Variants in PUDP observed in about 807,000 individuals in gnomAD.
PUDP encodes pseudouridine-5'-phosphatase.
In PUDP, 8 loss-of-function variants were observed where a neutral mutation model predicts 9.4. The ratio of observed to expected loss-of-function variants is 0.85; its 90% CI spans 0.50 to 1.53. PUDP has a LOEUF of 1.53. Ranked by LOEUF, PUDP falls within the 40% of genes most tolerant of loss-of-function variation. The pLI is 0.00. For missense variants in PUDP, 188 were observed against 189.7 expected (o/e 0.99, Z 0.05); for synonymous variants, 99 against 80.7 (o/e 1.23, Z -1.22).
At chrX:6,750,146 GTGT>G (rs1240994694) in intron 3 of PUDP, among the ~76,000 whole-genome samples, 1 of 111,849 alleles carries the variant, frequency 8.9e-6, no homozygotes, top group Non-Finnish European at 1.9e-5. Flanking sequence ...ACTATTACAG[GTGT>G]TGTTTCAGAG....
At chrX:6,746,777 T>C (rs189653857) in intron 3 of PUDP, among the ~76,000 whole-genome samples, 9 of 111,894 alleles carry the variant, frequency 8.0e-5, no homozygotes, top group Non-Finnish European at 1.5e-4. Context: ...TAGTATTCCA[T>C]GGTGTATATG....
At chrX:7,092,539 A>C (rs1187500874) in intron 2 of PUDP, among the ~76,000 whole-genome samples, 1 of 111,659 alleles carries the variant, frequency 9.0e-6, no homozygotes. Flanking sequence ...CTCTGTCAAT[A>C]GTCTCAAATA....
intron 1 of PUDP, among the ~76,000 whole-genome samples, chrX:7,019,826 T>C (rs932920555): frequency 8.9e-6 from 1 of 111,890 alleles, no homozygotes; most frequent in African/African-American, 3.3e-5. Context: ...CAACTAATTT[T>C]GCCTTTCATG....
intron 3 of PUDP, among the ~76,000 whole-genome samples, chrX:6,896,338 G>A (rs182653291): frequency 6.3e-5 from 7 of 111,893 alleles, no homozygotes; most frequent in Non-Finnish European, 1.1e-4. Flanking sequence ...TCTTGAGGCC[G>A]AGTGAATTTG....
At chrX:6,839,119 C>A (rs953232220) in intron 3 of PUDP, among the ~76,000 whole-genome samples, 6 of 112,203 alleles carry the variant, frequency 5.3e-5, no homozygotes, top group Non-Finnish European at 1.1e-4. Context: ...ATGATCTCAT[C>A]CAGTCTGATT....
At chrX:6,856,233 C>A (rs1054060282) in intron 3 of PUDP, among the ~76,000 whole-genome samples, 1 of 111,758 alleles carries the variant, frequency 8.9e-6, no homozygotes, top group Admixed American at 9.5e-5. Context: ...GCAAAGATCA[C>A]ATGGTGACCA....
At chrX:6,737,327 C>T (rs1924884035) in intron 3 of PUDP, among the ~76,000 whole-genome samples, 1 of 112,319 alleles carries the variant, frequency 8.9e-6, no homozygotes, top group Admixed American at 9.4e-5. Context: ...AAAGCAAATA[C>T]AGTTGGCAAG....
At chrX:6,843,758 G>A (rs1038588864) in intron 3 of PUDP, among the ~76,000 whole-genome samples, 1 of 112,094 alleles carries the variant, frequency 8.9e-6, no homozygotes, top group Admixed American at 9.4e-5. Flanking sequence ...AGAAAATTCT[G>A]CATCATAGTT....
At chrX:7,029,126 A>C (rs1364132925) in intron 1 of PUDP, among the ~76,000 whole-genome samples, 3 of 112,137 alleles carry the variant, frequency 2.7e-5, no homozygotes, top group Admixed American at 9.5e-5. Context: ...TTAAAACATG[A>C]GATTTAAACA....
At chrX:6,718,499 G>C (rs1234264293) in intron 1 of PUDP, among the ~76,000 whole-genome samples, 1 of 111,858 alleles carries the variant, frequency 8.9e-6, no homozygotes, top group Non-Finnish European at 1.9e-5. Flanking sequence ...TTCAGAAACA[G>C]AAAGTCAAAT....
chrX:6,783,039 T>C (rs984240096), intron 3 of PUDP, among the ~76,000 whole-genome samples: 2 of 111,569 alleles, frequency 1.8e-5, no homozygotes, highest in Non-Finnish European at 3.8e-5. Flanking sequence ...TGGAACTTGC[T>C]GGGCTGCATT....
At chrX:6,788,361 C>T (rs1925682668) in intron 3 of PUDP, among the ~76,000 whole-genome samples, 1 of 111,781 alleles carries the variant, frequency 8.9e-6, no homozygotes, top group Admixed American at 9.5e-5. Flanking sequence ...AATGCAGTCT[C>T]GACTCATGAT....
intron 1 of PUDP, among the ~76,000 whole-genome samples, chrX:7,108,734 G>T (rs1389877307): frequency 9.0e-6 from 1 of 111,350 alleles, no homozygotes; most frequent in Non-Finnish European, 1.9e-5. Flanking sequence ...TTTTTTGTTT[G>T]TAGACATGGG....
chrX:6,863,787 C>T (rs761102470), intron 3 of PUDP, among the ~76,000 whole-genome samples: 28 of 111,969 alleles, frequency 2.5e-4, no homozygotes, highest in South Asian at 1.5e-3. Flanking sequence ...TCTGTCCAAT[C>T]AGTTACACTA....
At chrX:6,912,510 G>A (rs1471581443) in intron 3 of PUDP, among the ~76,000 whole-genome samples, 1 of 111,802 alleles carries the variant, frequency 8.9e-6, no homozygotes, top group Non-Finnish European at 1.9e-5. Context: ...GGCTGTTTAA[G>A]GCATCCCACA....
At chrX:6,930,350 A>C (rs1369016102) in intron 3 of PUDP, among the ~76,000 whole-genome samples, 3 of 111,755 alleles carry the variant, frequency 2.7e-5, no homozygotes, top group Non-Finnish European at 5.6e-5. Context: ...GCAGTAAAGA[A>C]GCTGGTCAAA....
chrX:6,842,546 A>G (rs1316366775), intron 3 of PUDP, among the ~76,000 whole-genome samples: 1 of 112,598 alleles, frequency 8.9e-6, no homozygotes, highest in Non-Finnish European at 1.9e-5. Flanking sequence ...AAAAACTAAA[A>G]TAATGCAAAT....
chrX:7,080,169 G>A (rs138087760), intron 2 of PUDP, among the ~76,000 whole-genome samples: 2,605 of 111,517 alleles, frequency 0.023, 60 homozygotes, highest in African/African-American at 0.079. Context: ...TTCTAACATC[G>A]ATAAAATGAT....
intron 3 of PUDP, among the ~76,000 whole-genome samples, chrX:6,752,205 T>C (rs1334064442): frequency 8.9e-6 from 1 of 111,819 alleles, no homozygotes; most frequent in African/African-American, 3.2e-5. Context: ...TCTTCCTGGT[T>C]TCCTAAACTT....
Sources: gnomAD v4.1 joint callset for allele counts (sites outside exome capture counted in the v4.1 genomes callset) on GRCh38, gnomAD v4.1.1 for gene constraint, MANE v1.5 for transcripts, NCBI Gene and HGNC (gene_info 2026-07-23, HGNC 2026-07-21) for gene names.